Variants in SOCS6 observed in about 807,000 individuals in gnomAD.
The protein encoded by SOCS6 is STAT induced STAT inhibitor-4.
In SOCS6, 5 loss-of-function variants were observed where a neutral mutation model predicts 27.7. That is an observed-to-expected ratio of 0.18 (90% CI 0.09 to 0.38). The LOEUF is 0.38. SOCS6 is among the 10% of genes least tolerant of loss of function. SOCS6 has a pLI of 1.00. For synonymous variants in SOCS6, 271 were observed against 260.0 expected, an observed-to-expected ratio of 1.04 and a Z score of -0.41; for missense variants, 595 against 688.1, an observed-to-expected ratio of 0.86 and a Z score of 1.51.
Position 70,311,229 on chromosome 18 carries a change from T to A in SOCS6, c.-126-13314T>A, listed in dbSNP as rs144867835. Reference sequence around the variant, plus strand: ...TCTAAGATCCTAGAAGGTAATGAGTTCATCTTTCATCCTTGTGTTTTTGCT... The same window carrying A: ...TCTAAGATCCTAGAAGGTAATGAGTACATCTTTCATCCTTGTGTTTTTGCT... On this transcript the variant is annotated intron_variant, in intron 1 of 1. Coordinates refer to ENST00000397942, the MANE Select transcript of SOCS6 (RefSeq NM_004232.4). 2.6e-4 allele frequency among the ~76,000 whole-genome samples: 40 copies of A among 152,294 alleles called. No homozygotes were observed. The East Asian group carries it at 7.5e-3, about 29-fold the overall frequency.
intron 1 of SOCS6, among the ~76,000 whole-genome samples, chr18:70,291,988 T>C (rs1308764325): frequency 6.6e-6 from 1 of 152,200 alleles, no homozygotes. Context: ...TATTATGCTG[T>C]TTGGCGTGTT....
chr18:70,316,150 G>A (rs2062410540), intron 1 of SOCS6, among the ~76,000 whole-genome samples: 1 of 152,088 alleles, frequency 6.6e-6, no homozygotes, highest in African/African-American at 2.4e-5. Context: ...TCGCCCGGCT[G>A]ATATGTAGCA....
At chr18:70,302,243 T>G (rs746955112) in intron 1 of SOCS6, among the ~76,000 whole-genome samples, 3 of 133,976 alleles carry the variant, frequency 2.2e-5, no homozygotes, top group Admixed American at 8.3e-5. Flanking sequence ...GGGAGCCGAG[T>G]CCAAGGTCTT....
intron 1 of SOCS6, among the ~76,000 whole-genome samples, chr18:70,301,608 G>A (rs2062348525): frequency 6.6e-6 from 1 of 152,212 alleles, no homozygotes; most frequent in Non-Finnish European, 1.5e-5. Context: ...AAGTGGCAGT[G>A]TCCTGAAGGG....
chr18:70,318,663 C>T (rs117513412), intron 1 of SOCS6, among the ~76,000 whole-genome samples: 3,676 of 151,422 alleles, frequency 0.024, 84 homozygotes, highest in South Asian at 0.041. Context: ...CTAGGCCGGA[C>T]GTGGTGGCTC....
intron 1 of SOCS6, among the ~76,000 whole-genome samples, chr18:70,302,615 G>A (rs1052086692): frequency 6.6e-6 from 1 of 152,092 alleles, no homozygotes; most frequent in Non-Finnish European, 1.5e-5. Flanking sequence ...GGGAATAGAA[G>A]TATACACAAG....
rs553766065 is a variant in SOCS6 at position 70,326,409 on chromosome 18, G to A, written c.*133G>A. The A allele has an allele frequency of 1.9e-5, 15 of 789,182 alleles. No homozygotes were observed. The African/African-American group carries it at 2.5e-4, about 13-fold the overall frequency. The allele number at this position is 789,182 out of a possible 1,614,324, so 48.9% of individuals were successfully genotyped here. A position where few individuals can be genotyped will look rare whatever the true frequency, so the allele number is the denominator to read the frequency against. On this transcript the variant is annotated 3_prime_UTR_variant, in exon 2 of 2. Coordinates refer to ENST00000397942, the MANE Select transcript of SOCS6 (RefSeq NM_004232.4). ...AGTTTTATGTGTAAAAGAGTCATCA[G>A]TTTGTTTAGGGGTGGGGAAGTGTCA... is the stretch of plus-strand genomic sequence containing the variant.
chr18:70,299,955 G>A (rs2062340955), intron 1 of SOCS6, among the ~76,000 whole-genome samples: 1 of 152,150 alleles, frequency 6.6e-6, no homozygotes, highest in African/African-American at 2.4e-5. Flanking sequence ...AGGGACTTGA[G>A]CATTCATAGC....
chr18:70,305,157 G>A (rs1029003167), intron 1 of SOCS6, among the ~76,000 whole-genome samples: 11 of 151,960 alleles, frequency 7.2e-5, no homozygotes, highest in African/African-American at 2.7e-4. Flanking sequence ...GCAGTGAGCC[G>A]AGATCGCGCC....
chr18:70,325,454 C>T lies in SOCS6; in HGVS notation c.786C>T (p.Phe262=). The T allele has an allele frequency of 6.2e-7, 1 of 1,614,174 alleles. No individual in the cohort carries two copies. Among genetic ancestry groups the T allele is most frequent in the East Asian group, 2.2e-5 (1 of 44,870 alleles). The change falls in exon 2 of 2, where the codon TTC becomes TTT. Residue 262 remains phenylalanine (F), a synonymous_variant. Coordinates refer to ENST00000397942, the MANE Select transcript of SOCS6 (RefSeq NM_004232.4). The surrounding 1 kb of genome is among the most constrained non-coding windows in gnomAD (Gnocchi z 6.3). ...AVPPQVGGRA[F]PEDESQVDQD... is the part of the protein sequence containing the mutation. ...CTCCTCAAGTGGGAGGGCGCGCTTT[C>T]CCCGAGGATGAGAGTCAGGTAGACC... is the stretch of plus-strand genomic sequence containing the variant.
In SOCS6 at chr18:70,320,729, T is replaced by C. The variant is rs79033917; in HGVS notation, c.-126-3814T>C. On this transcript the variant is annotated intron_variant, in intron 1 of 1. Transcript: ENST00000397942. ...GGAAAAAAGCAAAGTATACTTGATA[T>C]AGGGTTCTGTACTATATGTGGTTTC... Among the ~76,000 whole-genome samples the C allele has an allele frequency of 7.7e-4, 117 of 152,332 alleles. No homozygotes were observed. The East Asian group carries it at 0.014, about 18-fold the overall frequency.
chr18:70,306,312 A>G (rs532371345), intron 1 of SOCS6, among the ~76,000 whole-genome samples: 51 of 151,984 alleles, frequency 3.4e-4, no homozygotes, highest in Non-Finnish European at 5.9e-4. Context: ...GTCTCTACTA[A>G]GAATACAAAA....
intron 1 of SOCS6, among the ~76,000 whole-genome samples, chr18:70,309,427 TTTTG>T (rs1420869553): frequency 1.6e-4 from 25 of 152,226 alleles, no homozygotes; most frequent in Non-Finnish European, 3.4e-4. Flanking sequence ...TAAAATTTAT[TTTTG>T]TTTATTTGTT....
intron 1 of SOCS6, among the ~76,000 whole-genome samples, chr18:70,301,992 A>G (rs1188636656): frequency 6.6e-6 from 1 of 152,216 alleles, no homozygotes; most frequent in Non-Finnish European, 1.5e-5. Context: ...AATCGTGGGC[A>G]TCAGTAGACT....
At chr18:70,322,343 T>C (rs530347994) in intron 1 of SOCS6, among the ~76,000 whole-genome samples, 237 of 152,344 alleles carry the variant, frequency 1.6e-3, no homozygotes, top group Middle Eastern at 3.4e-3. Flanking sequence ...CCATATGGCC[T>C]AATAGAACTT....
At chr18:70,297,824 A>T (rs987632631) in intron 1 of SOCS6, among the ~76,000 whole-genome samples, 6 of 152,162 alleles carry the variant, frequency 3.9e-5, no homozygotes, top group Non-Finnish European at 5.9e-5. Flanking sequence ...TTTCATGTGG[A>T]TTACTTTTTG....
intron 1 of SOCS6, among the ~76,000 whole-genome samples, chr18:70,295,062 T>C: frequency 6.6e-6 from 1 of 152,190 alleles, no homozygotes; most frequent in South Asian, 2.1e-4. Context: ...GTCCTAATGG[T>C]GTCATTATGC....
chr18:70,302,598 A>G (rs925084241), intron 1 of SOCS6, among the ~76,000 whole-genome samples: 5 of 152,150 alleles, frequency 3.3e-5, no homozygotes, highest in South Asian at 4.1e-4. Flanking sequence ...TCAGGAGAGT[A>G]GTGGAAGGGA....
intron 1 of SOCS6, among the ~76,000 whole-genome samples, chr18:70,310,489 G>A (rs1243816075): frequency 3.7e-5 from 1 of 27,260 alleles, no homozygotes; most frequent in Middle Eastern, 0.025. Context: ...TTTTTTTTTT[G>A]CAGAGACAGG....
Sources: gnomAD v4.1 joint callset for allele counts (sites outside exome capture counted in the v4.1 genomes callset) on GRCh38, gnomAD v4.1.1 for gene constraint, Gnocchi (gnomAD v3.1) non-coding constraint, MANE v1.5 for transcripts, NCBI Gene and HGNC (gene_info 2026-07-23, HGNC 2026-07-21) for gene names.